The following CACNA2D3 variants were observed in gnomAD, a reference collection of about 807,000 sequenced individuals.
CACNA2D3 encodes calcium voltage-gated channel auxiliary subunit alpha2delta 3.
A neutral mutation model predicts 160.6 loss-of-function variants in CACNA2D3; 60 were observed. The observed-to-expected ratio is 0.37, with a 90% CI of 0.30 to 0.46. The LOEUF (loss-of-function observed/expected upper bound fraction) is 0.46, where lower values mean the gene tolerates loss of function less well. CACNA2D3 is among the 20% of genes least tolerant of loss of function. CACNA2D3 has a pLI of 1.00. For synonymous variants in CACNA2D3, 558 were observed against 492.9 expected (o/e 1.13, Z -1.75); for missense variants, 1,205 against 1,365.0 (o/e 0.88, Z 1.85).
At chr3:54,472,819 C>T (rs554883029) in intron 4 of CACNA2D3, among the ~76,000 whole-genome samples, 4 of 152,170 alleles carry the variant, frequency 2.6e-5, no homozygotes, top group South Asian at 2.1e-4. Context: ...CCTAGGTATA[C>T]GACTTATAAG....
At chr3:54,619,938 T>C (rs1469227696) in intron 9 of CACNA2D3, among the ~76,000 whole-genome samples, 2 of 152,126 alleles carry the variant, frequency 1.3e-5, no homozygotes, top group Non-Finnish European at 2.9e-5. Flanking sequence ...GGTGTGTGTG[T>C]GTTGTCAGGA....
intron 33 of CACNA2D3, among the ~76,000 whole-genome samples, chr3:55,008,940 G>C (rs192744076): frequency 1.9e-3 from 225 of 118,008 alleles, no homozygotes; most frequent in East Asian, 0.01. Context: ...GCTTAAACAA[G>C]TTCAAGTCGC....
chr3:54,304,782 T>C (rs1335633797), intron 2 of CACNA2D3, among the ~76,000 whole-genome samples: 1 of 152,184 alleles, frequency 6.6e-6, no homozygotes, highest in East Asian at 1.9e-4. Context: ...CCATTTTAGG[T>C]TTTATGTTTC....
intron 35 of CACNA2D3, among the ~76,000 whole-genome samples, chr3:55,020,339 G>GT (rs1703419100): frequency 6.7e-6 from 1 of 148,356 alleles, no homozygotes; most frequent in African/African-American, 2.5e-5. Context: ...TCGTATGTAT[G>GT]TATTATTTCA....
At chr3:54,655,170 C>G (rs957761127) in intron 11 of CACNA2D3, among the ~76,000 whole-genome samples, 1 of 152,084 alleles carries the variant, frequency 6.6e-6, no homozygotes, top group African/African-American at 2.4e-5. Context: ...TTCTTATTTC[C>G]TAGGTTTTTA....
chr3:54,920,270 T>C (rs948683077), intron 27 of CACNA2D3, among the ~76,000 whole-genome samples: 33 of 152,144 alleles, frequency 2.2e-4, no homozygotes, highest in African/African-American at 7.5e-4. Flanking sequence ...ACAAGATAAG[T>C]CATAAGTGGC....
At chr3:54,380,803 G>C (rs755569336) in intron 3 of CACNA2D3, among the ~76,000 whole-genome samples, 2 of 152,214 alleles carry the variant, frequency 1.3e-5, no homozygotes, top group Non-Finnish European at 2.9e-5. Context: ...GGGTATGGTT[G>C]TGATAGTAAT....
chr3:54,867,789 A>G (rs1699437167), intron 17 of CACNA2D3, among the ~76,000 whole-genome samples: 1 of 152,160 alleles, frequency 6.6e-6, no homozygotes, highest in Non-Finnish European at 1.5e-5. Flanking sequence ...TTCCTGGATA[A>G]ATCCAGGAAT....
chr3:54,285,288 C>A (rs1309663885), intron 2 of CACNA2D3, among the ~76,000 whole-genome samples: 2 of 152,236 alleles, frequency 1.3e-5, no homozygotes, highest in African/African-American at 2.4e-5. Flanking sequence ...TTATATTCCT[C>A]ACCTGGCTCG....
intron 10 of CACNA2D3, among the ~76,000 whole-genome samples, chr3:54,641,900 C>A (rs541412292): frequency 6.6e-6 from 1 of 152,214 alleles, no homozygotes; most frequent in South Asian, 2.1e-4. Context: ...AAGGTCTGTT[C>A]GGTTGGTTGG....
At chr3:54,417,808 G>T (rs1187874942) in intron 4 of CACNA2D3, among the ~76,000 whole-genome samples, 1 of 118,448 alleles carries the variant, frequency 8.4e-6, no homozygotes, top group African/African-American at 3.5e-5. Flanking sequence ...GGGGGGGGGT[G>T]GGGGGGTTAC....
At chr3:54,164,276 G>A (rs1268357207) in intron 2 of CACNA2D3, among the ~76,000 whole-genome samples, 1 of 152,158 alleles carries the variant, frequency 6.6e-6, no homozygotes, top group Admixed American at 6.5e-5. Flanking sequence ...CCCTCCAGGA[G>A]TTCTGAGTCT....
At chr3:55,033,831 T>TG (rs1703748146) in intron 35 of CACNA2D3, among the ~76,000 whole-genome samples, 1 of 70,030 alleles carries the variant, frequency 1.4e-5, no homozygotes, top group Admixed American at 1.7e-4. Flanking sequence ...ATATATTTAA[T>TG]ATATAATATA....
intron 2 of CACNA2D3, among the ~76,000 whole-genome samples, chr3:54,208,619 G>T (rs1701315317): frequency 6.6e-6 from 1 of 152,130 alleles, no homozygotes; most frequent in Admixed American, 6.5e-5. Flanking sequence ...GTCACTCTCA[G>T]GTGTCTCTCT....
chr3:54,770,625 C>T (rs1377065356), intron 13 of CACNA2D3, among the ~76,000 whole-genome samples: 1 of 152,158 alleles, frequency 6.6e-6, no homozygotes, highest in African/African-American at 2.4e-5. Flanking sequence ...CTTGGCAATG[C>T]AGCCATTTGT....
At chr3:54,127,662 C>T (rs1699621657) in intron 2 of CACNA2D3, among the ~76,000 whole-genome samples, 2 of 152,204 alleles carry the variant, frequency 1.3e-5, no homozygotes, top group South Asian at 4.2e-4. Flanking sequence ...TGCTTTAATT[C>T]ATAGCATTAC....
rs184493723 is a variant in CACNA2D3 at position 54,714,812 on chromosome 3, T to C, written c.1168-37787T>C. On this transcript the variant is annotated intron_variant, in intron 11 of 37. Transcript: ENST00000474759. ...ATGCCTAATTCACAATAGCAAAGTA[T>C]AGAAACCATCTGAGTGTCCATCAAC... is the stretch of plus-strand genomic sequence containing the variant. Among the ~76,000 whole-genome samples the C allele has an allele frequency of 1.3e-4, 20 of 152,202 alleles. 1 individual carries two copies. In the South Asian group the frequency reaches 3.3e-3, roughly 25 times the overall value.
intron 10 of CACNA2D3, among the ~76,000 whole-genome samples, chr3:54,631,528 GA>G (rs982435260): frequency 6.6e-6 from 1 of 151,792 alleles, no homozygotes; most frequent in African/African-American, 2.4e-5. Context: ...GTTATTTCTT[GA>G]ACACACACAT....
chr3:54,641,811 A>G (rs1280062105), intron 10 of CACNA2D3, among the ~76,000 whole-genome samples: 1 of 152,172 alleles, frequency 6.6e-6, no homozygotes, highest in East Asian at 1.9e-4. Context: ...ATAACCAGGT[A>G]TGTCTGACCC....
Sources: allele counts gnomAD v4.1 joint callset (sites outside exome capture counted in the v4.1 genomes callset), GRCh38; gene constraint gnomAD v4.1.1; transcripts MANE v1.5; gene names NCBI Gene and HGNC (gene_info 2026-07-23, HGNC 2026-07-21).